The following IQCK variants were observed in gnomAD, a reference collection of about 807,000 sequenced individuals.
IQCK encodes IQ domain-containing protein K.
Under a neutral mutation model 28.1 loss-of-function variants are expected in IQCK, and 29 were observed. The ratio of observed to expected loss-of-function variants is 1.03; its 90% confidence interval spans 0.77 to 1.41. The LOEUF (loss-of-function observed/expected upper bound fraction) is 1.41, where lower values mean the gene tolerates loss of function less well. IQCK is among the 40% of genes most tolerant of loss of function. IQCK has a pLI of 0.00. For synonymous variants in IQCK, 113 were observed against 115.1 expected, an observed-to-expected ratio of 0.98 and a Z score of 0.12; for missense variants, 359 against 314.7, an observed-to-expected ratio of 1.14 and a Z score of -1.07.
intron 7 of IQCK, among the ~76,000 whole-genome samples, chr16:19,820,420 C>T (rs949918965): frequency 6.6e-6 from 1 of 152,010 alleles, no homozygotes; most frequent in African/African-American, 2.4e-5. Flanking sequence ...GAGGCCGAGG[C>T]GGGTGGATCA....
Position 19,753,865 on chromosome 16 carries a change from G to A in IQCK, c.475-9983G>A, listed in dbSNP as rs1597521781. Reference sequence around the variant, plus strand: ...GCAAAACAGCTGCGACCACTGCCTCGGCTTTGTATCCACCTACTACATCAA... The same window carrying A: ...GCAAAACAGCTGCGACCACTGCCTCAGCTTTGTATCCACCTACTACATCAA... On this transcript the variant is annotated intron_variant, in intron 4 of 7. Coordinates refer to ENST00000564186, the Ensembl canonical transcript of IQCK. 2.0e-5 allele frequency among the ~76,000 whole-genome samples: 3 copies of A among 151,842 alleles called. No individual in the cohort carries two copies. In the South Asian group the frequency reaches 6.2e-4, roughly 32 times the overall value.
chr16:19,753,886 A>G (rs2055018528), intron 4 of IQCK, among the ~76,000 whole-genome samples: 1 of 151,934 alleles, frequency 6.6e-6, no homozygotes, highest in Non-Finnish European at 1.5e-5. Context: ...CACCTACTAC[A>G]TCAAACAGAA....
chr16:19,778,066 A>G (rs2151724083), intron 6 of IQCK, among the ~76,000 whole-genome samples: 1 of 152,076 alleles, frequency 6.6e-6, no homozygotes, highest in African/African-American at 2.4e-5. Context: ...AAAAAAGAGA[A>G]CCAGTTCAGA....
At chr16:19,833,948 C>G (rs958746244) in intron 9 of IQCK, among the ~76,000 whole-genome samples, 2 of 151,928 alleles carry the variant, frequency 1.3e-5, no homozygotes, top group Non-Finnish European at 2.9e-5. Flanking sequence ...ATTAGCCAGG[C>G]GTGCTAGCAC....
chr16:19,749,666 T>C (rs1414638707), intron 4 of IQCK, among the ~76,000 whole-genome samples: 4 of 151,862 alleles, frequency 2.6e-5, no homozygotes, highest in Non-Finnish European at 5.9e-5. Flanking sequence ...CTCAGAAGGC[T>C]GAGGTGGGAG....
At chr16:19,765,367 G>A (rs985049247) in intron 6 of IQCK, among the ~76,000 whole-genome samples, 7 of 151,766 alleles carry the variant, frequency 4.6e-5, no homozygotes, top group East Asian at 3.9e-4. Context: ...GCAAAACCCC[G>A]TCTCTACTAA....
intron 9 of IQCK, among the ~76,000 whole-genome samples, chr16:19,855,174 G>C (rs866640135): frequency 5.3e-5 from 8 of 152,242 alleles, no homozygotes; most frequent in Non-Finnish European, 1.2e-4. Context: ...ACAGGAGGGT[G>C]GGAAGCTGAT....
intron 9 of IQCK, among the ~76,000 whole-genome samples, chr16:19,848,979 C>T (rs897397676): frequency 6.6e-6 from 1 of 152,062 alleles, no homozygotes; most frequent in African/African-American, 2.4e-5. Flanking sequence ...CACTGTCACC[C>T]CACCCTGGAT....
intron 6 of IQCK, among the ~76,000 whole-genome samples, chr16:19,777,655 G>C (rs1597549714): frequency 2.0e-5 from 3 of 152,254 alleles, no homozygotes; most frequent in Admixed American, 2.0e-4. Flanking sequence ...GTTCTCTAGT[G>C]CCTCTCTTTT....
intron 6 of IQCK, among the ~76,000 whole-genome samples, chr16:19,779,964 G>T (rs181138417): frequency 2.0e-5 from 3 of 151,230 alleles, no homozygotes; most frequent in Middle Eastern, 3.4e-3. Context: ...TGATCCACCC[G>T]TCTCGGCCTC....
In IQCK at chr16:19,846,773, A is replaced by T. The variant is rs550810275; in HGVS notation, c.803-9714A>T. ...AACATGTATTTCTTTGTAGAAAGGA[A>T]TCTTCCACAATTTGTTCTTCTAGTT... On this transcript the variant is annotated intron_variant, in intron 9 of 9. Coordinates refer to the IQCK transcript ENST00000320394. 6.6e-5 allele frequency among the ~76,000 whole-genome samples: 10 copies of T among 152,312 alleles called. No individual in the cohort carries two copies. The East Asian group carries it at 9.6e-4, about 15-fold the overall frequency.
intron 1 of IQCK, among the ~76,000 whole-genome samples, chr16:19,723,604 GT>G (rs1328385545): frequency 6.6e-6 from 1 of 152,116 alleles, no homozygotes; most frequent in Non-Finnish European, 1.5e-5. Context: ...CACCAGCATG[GT>G]TTTAAAGCAT....
chr16:19,742,278 G>A (rs1382419064), intron 4 of IQCK, among the ~76,000 whole-genome samples: 1 of 152,182 alleles, frequency 6.6e-6, no homozygotes, highest in Admixed American at 6.5e-5. Context: ...CTACAAATAC[G>A]CAAGGTGGGT....
intron 9 of IQCK, among the ~76,000 whole-genome samples, chr16:19,849,703 A>G (rs985149088): frequency 6.6e-6 from 1 of 151,910 alleles, no homozygotes; most frequent in African/African-American, 2.4e-5. Context: ...TCAAGACTGC[A>G]GTGAGCTGTG....
At chr16:19,718,774 T>TA (rs1398222079) in intron 1 of IQCK, among the ~76,000 whole-genome samples, 1 of 151,226 alleles carries the variant, frequency 6.6e-6, no homozygotes, top group Non-Finnish European at 1.5e-5. Flanking sequence ...CATTGGTTCT[T>TA]AAACCTCGGT....
chr16:19,718,362 C>G (rs1241659014), exon 1 of IQCK: 1 of 1,610,032 alleles, frequency 6.2e-7, no homozygotes, highest in Non-Finnish European at 8.5e-7. Flanking sequence ...CCCAGCTGCT[C>G]TACAGACTCG....
intron 7 of IQCK, among the ~76,000 whole-genome samples, chr16:19,822,162 C>T (rs1303973142): frequency 6.7e-6 from 1 of 149,910 alleles, no homozygotes; most frequent in Non-Finnish European, 1.5e-5. Flanking sequence ...CCGAGGCAGG[C>T]AGATCACACG....
intron 9 of IQCK, among the ~76,000 whole-genome samples, chr16:19,855,247 A>G (rs1377391359): frequency 6.6e-6 from 1 of 152,070 alleles, no homozygotes; most frequent in Non-Finnish European, 1.5e-5. Context: ...CAGTTTGAAG[A>G]CTGCAGGGCT....
At chr16:19,735,014 A>T (rs914080915) in intron 3 of IQCK, among the ~76,000 whole-genome samples, 4 of 151,868 alleles carry the variant, frequency 2.6e-5, no homozygotes, top group Non-Finnish European at 4.4e-5. Context: ...CTGACTCCCA[A>T]TTCCTCTCTG....
Sources: gnomAD v4.1 joint callset for allele counts (sites outside exome capture counted in the v4.1 genomes callset) on GRCh38, gnomAD v4.1.1 for gene constraint, MANE v1.5 for transcripts, NCBI Gene and HGNC (gene_info 2026-07-23, HGNC 2026-07-21) for gene names.